NAPB: variants seen among roughly 807,000 people sequenced by gnomAD.
NAPB encodes NSF attachment protein beta.
NAPB carries 26 observed loss-of-function variants against 44.7 expected under a neutral mutation model. The ratio of observed to expected loss-of-function variants is 0.58; its 90% confidence interval spans 0.43 to 0.81. The LOEUF (loss-of-function observed/expected upper bound fraction) is 0.81. Ranked by LOEUF, NAPB falls within the 30% of genes least tolerant of loss-of-function variation. The probability of loss-of-function intolerance (pLI) is 0.00; values close to 1 mark genes in which losing one functional copy is unlikely to be tolerated. For missense variants in NAPB, 315 were observed against 356.4 expected, an observed-to-expected ratio of 0.88 and a Z score of 0.94; for synonymous variants, 120 against 116.8, an observed-to-expected ratio of 1.03 and a Z score of -0.18.
At chr20:23,418,733 C>G (rs1391886568) in intron 1 of NAPB, among the ~76,000 whole-genome samples, 4 of 150,242 alleles carry the variant, frequency 2.7e-5, no homozygotes, top group African/African-American at 9.9e-5. Context: ...GTCAGGCATT[C>G]GAGACCAGCC....
intron 5 of NAPB, among the ~76,000 whole-genome samples, chr20:23,393,365 G>A (rs1365329622): frequency 6.6e-6 from 1 of 152,274 alleles, no homozygotes; most frequent in African/African-American, 2.4e-5. Context: ...ATTTTGTGCT[G>A]AATAACCAAC....
In NAPB at chr20:23,375,298, C is replaced by T. The variant is rs764294255; in HGVS notation, c.*2078G>A. ...CAAACATTATTGTTAAAAAAAAATA[C>T]CCCTTCAGACGGGTCTGTTGGAGTA... On this transcript the variant is annotated 3_prime_UTR_variant, in exon 11 of 11. Coordinates refer to ENST00000377026, the MANE Select transcript of NAPB (RefSeq NM_022080.3). The T allele has an allele frequency of 2.6e-5, 4 of 152,104 alleles. No homozygotes were observed. The highest frequency in any genetic ancestry group is 2.1e-4 in the South Asian group (1 of 4,832). 9.4% of individuals were successfully genotyped at this position (152,104 alleles called of 1,614,324 possible).
chr20:23,421,419 G>GCCACAGCCC lies in NAPB; in HGVS notation c.-26_-18dup. 6.5e-7 allele frequency: 1 copy of GCCACAGCCC among 1,540,144 alleles called. No individual in the cohort carries two copies. Among genetic ancestry groups the GCCACAGCCC allele is most frequent in the Non-Finnish European group, 8.8e-7 (1 of 1,142,588 alleles). On this transcript the variant is annotated 5_prime_UTR_variant, in exon 1 of 11. Coordinates refer to ENST00000377026, the MANE Select transcript of NAPB (RefSeq NM_022080.3). ...GTTGTCCATGTCGCCCGCCGCGGCCGCCACAGCCCCCTCAGCCGGCTCGCT... is the reference window on the plus strand; with the variant it reads ...GTTGTCCATGTCGCCCGCCGCGGCCGCCACAGCCCCCACAGCCCCCTCAGCCGGCTCGCT...
At chr20:23,380,491 C>T (rs1252229862) in intron 8 of NAPB, among the ~76,000 whole-genome samples, 2 of 151,370 alleles carry the variant, frequency 1.3e-5, no homozygotes, top group African/African-American at 4.9e-5. Context: ...TATTATCCTA[C>T]TCTTATTGTC....
In NAPB at chr20:23,381,323, C is replaced by A; in HGVS notation, c.562-6G>T. ...TCCATTGTGTTTGCCCCAACCTAGG[C>A]ACAGAACGCAGAGTTAAATTTAAAA... is the stretch of plus-strand genomic sequence containing the variant. On this transcript the variant is annotated splice_polypyrimidine_tract_variant and splice_region_variant and intron_variant, in intron 7 of 10. Transcript: ENST00000377026. 2 of 1,542,358 alleles carry A rather than the reference C, an allele frequency of 1.3e-6. No individual in the cohort carries two copies. Among genetic ancestry groups the A allele is most frequent in the Non-Finnish European group, 1.8e-6 (2 of 1,140,298 alleles).
chr20:23,387,947 G>A (rs1186527777), intron 7 of NAPB, among the ~76,000 whole-genome samples: 5 of 152,130 alleles, frequency 3.3e-5, no homozygotes, highest in Admixed American at 1.3e-4. Context: ...TAAGCAGATT[G>A]CCCTCCCCAA....
rs1045516543 is a variant in NAPB at position 23,421,450 on chromosome 20, C to G, written c.-48G>C. ...GCCCCCTCAGCCGGCTCGCTGTGCG[C>G]CCAGGCGCCTTAACCCTCCCTCTGG... On this transcript the variant is annotated 5_prime_UTR_variant, in exon 1 of 11. Transcript: ENST00000377026. The G allele has an allele frequency of 1.3e-6, 2 of 1,511,804 alleles. No homozygotes were observed. The highest frequency in any genetic ancestry group is 1.8e-6 in the Non-Finnish European group (2 of 1,123,204). 93.6% of individuals were successfully genotyped at this position (1,511,804 alleles called of 1,614,324 possible).
intron 1 of NAPB, among the ~76,000 whole-genome samples, chr20:23,407,033 G>A (rs898648417): frequency 6.6e-6 from 1 of 152,040 alleles, no homozygotes; most frequent in Non-Finnish European, 1.5e-5. Context: ...GCTTATCCAA[G>A]GCTACCCAGC....
At chr20:23,416,019 C>T (rs1251740536) in intron 1 of NAPB, among the ~76,000 whole-genome samples, 2 of 152,152 alleles carry the variant, frequency 1.3e-5, no homozygotes, top group Non-Finnish European at 2.9e-5. Context: ...CTCTCCTTTA[C>T]TTGGTATAGC....
At chr20:23,397,296 C>A in intron 2 of NAPB, 108 bp from the exon 3 acceptor site, 2 of 1,324,616 alleles carry the variant, frequency 1.5e-6, no homozygotes, top group Non-Finnish European at 2.0e-6. Flanking sequence ...TGAAAAGAAG[C>A]ATTCTAGTCA....
intron 2 of NAPB, among the ~76,000 whole-genome samples, chr20:23,400,423 G>A (rs1984747622): frequency 6.6e-6 from 1 of 152,158 alleles, no homozygotes; most frequent in Non-Finnish European, 1.5e-5. Context: ...GGCTGAGGCA[G>A]GAGAATCGCT....
intron 1 of NAPB, among the ~76,000 whole-genome samples, chr20:23,415,711 C>T (rs1373998230): frequency 1.3e-5 from 2 of 152,182 alleles, no homozygotes; most frequent in Non-Finnish European, 1.5e-5. Flanking sequence ...CCTGTAATCG[C>T]AGCACTTTGG....
At chr20:23,383,156 C>CA (rs34238446) in intron 7 of NAPB, among the ~76,000 whole-genome samples, 3,862 of 74,202 alleles carry the variant, frequency 0.052, 200 homozygotes, top group African/African-American at 0.15. Context: ...GACTCGGTCT[C>CA]AAAAAAAAAA....
intron 2 of NAPB, among the ~76,000 whole-genome samples, chr20:23,398,237 T>A (rs938588030): frequency 2.6e-5 from 4 of 152,196 alleles, no homozygotes; most frequent in South Asian, 4.1e-4. Context: ...GAGGAAAGAA[T>A]CTGATCTACC....
At chr20:23,413,475 A>G (rs1985794271) in intron 1 of NAPB, among the ~76,000 whole-genome samples, 1 of 152,196 alleles carries the variant, frequency 6.6e-6, no homozygotes, top group Admixed American at 6.5e-5. Flanking sequence ...AAAATGAACC[A>G]GAGGGAAAAA....
chr20:23,378,394 T>G (rs1178434242), intron 10 of NAPB, among the ~76,000 whole-genome samples: 1 of 150,212 alleles, frequency 6.7e-6, no homozygotes, highest in Admixed American at 6.6e-5. Flanking sequence ...AAACAAAAAG[T>G]ATAAAGAAAA....
intron 10 of NAPB, 184 bp downstream of exon 10, chr20:23,379,261 C>G: frequency 4.1e-6 from 2 of 489,162 alleles, no homozygotes; most frequent in East Asian, 6.4e-5. Flanking sequence ...AGTCGAATCT[C>G]AGCATGGCTA....
At chr20:23,407,814 G>A (rs1985358267) in intron 1 of NAPB, among the ~76,000 whole-genome samples, 1 of 152,176 alleles carries the variant, frequency 6.6e-6, no homozygotes, top group East Asian at 1.9e-4. Flanking sequence ...AGGAGCCAGT[G>A]AACAGCAGAG....
intron 1 of NAPB, among the ~76,000 whole-genome samples, chr20:23,420,444 C>A (rs1986305419): frequency 6.6e-6 from 1 of 152,134 alleles, no homozygotes; most frequent in South Asian, 2.1e-4. Context: ...TGGAGAGAGG[C>A]CAACAAGCAC....
Sources: allele counts gnomAD v4.1 joint callset (sites outside exome capture counted in the v4.1 genomes callset), GRCh38; gene constraint gnomAD v4.1.1; transcripts MANE v1.5; gene names NCBI Gene and HGNC (gene_info 2026-07-23, HGNC 2026-07-21).